GAPDHS: variants seen among roughly 807,000 people sequenced by gnomAD.
The protein encoded by GAPDHS is glyceraldehyde-3-phosphate dehydrogenase, testis-specific.
Under a neutral mutation model 48.7 loss-of-function variants are expected in GAPDHS, and 42 were observed. The ratio of observed to expected loss-of-function variants is 0.86; its 90% CI spans 0.67 to 1.12. The LOEUF is 1.12. Ranked by LOEUF, GAPDHS falls within the 50% of genes most tolerant of loss-of-function variation. The pLI, the probability that GAPDHS is intolerant of heterozygous loss-of-function variation, is 0.00. For synonymous variants in GAPDHS, 166 were observed against 219.1 expected (o/e 0.76, Z 2.14); for missense variants, 512 against 557.7 (o/e 0.92, Z 0.82).
At chr19:35,543,580 G>A in intron 8 of GAPDHS, 85 bp from the exon 9 acceptor site, 3 of 1,574,640 alleles carry the variant, frequency 1.9e-6, no homozygotes, top group African/African-American at 2.7e-5. Flanking sequence ...AGGAAAGCAG[G>A]GGCCTGGCCC....
rs145889612 is a variant in GAPDHS at position 35,543,818 on chromosome 19, C to T, written c.1047C>T (p.Thr349=). Residue 349 remains threonine, a synonymous_variant, in exon 9 of 11, where the codon ACC becomes ACT. Coordinates refer to ENST00000222286, the MANE Select transcript of GAPDHS (RefSeq NM_014364.5). ...CCATGGCTGGCATCCTTGCCTACAC[C>T]GAGGATGAGGTAGGGGCTGAGGAGA... The part of the protein sequence containing the change: ...KGPMAGILAY[T]EDEVVSTDFL... 5.0e-5 allele frequency: 81 copies of T among 1,611,320 alleles called. No homozygotes were observed. Among genetic ancestry groups the T allele is most frequent in the African/African-American group, 4.1e-4 (31 of 74,978 alleles).
intron 6 of GAPDHS, 39 bp downstream of exon 6, chr19:35,542,647 A>T: frequency 7.3e-7 from 1 of 1,361,354 alleles, no homozygotes; most frequent in Non-Finnish European, 1.1e-6. Flanking sequence ...TGTGGAAGGG[A>T]GGGTAGACTC....
At position 35,542,503 on chromosome 19, in the gene GAPDHS, C is replaced by A; in HGVS notation, c.554C>A (p.Ala185Glu). ...CTTCCTCCCCAGGACCACATCTCTG[C>A]AGGTGCTCAACGTGTGGTCATCTCC... ...SIQAASDHIS[A>E]GAQRVVISAP... is the part of the protein sequence containing the mutation. The change falls in exon 6 of 11, where the codon GCA becomes GAA. Residue 185 changes from alanine to glutamate, a missense_variant. Ala to Glu is a moderately radical substitution (Grantham distance 107, BLOSUM62 -1). Transcript: ENST00000222286. The A allele has an allele frequency of 6.2e-7, 1 of 1,613,322 alleles. No homozygotes were observed. The highest frequency in any genetic ancestry group is 8.5e-7 in the Non-Finnish European group (1 of 1,179,286).
chr19:35,542,389 C>A lies in GAPDHS; in HGVS notation c.520C>A (p.Leu174Ile). Reference protein sequence around the residue: ...PYVVESTGVYLSIQAASDHIS... With the variant: ...PYVVESTGVYISIQAASDHIS... The stretch of plus-strand genomic sequence containing the variant: ...CGTGGTGGAGTCCACAGGCGTGTAC[C>A]TCTCCATACAGGCAGCTTCGGTAAG... The change falls in exon 5 of 11, where the codon CTC (leucine) becomes ATC (isoleucine). Residue 174 changes from leucine to isoleucine, a missense_variant. Physicochemically the swap from Leu to Ile is conservative, Grantham distance 5 (BLOSUM62 2). Transcript: ENST00000222286. 2.5e-6 allele frequency: 4 copies of A among 1,605,976 alleles called. No homozygotes were observed. Among genetic ancestry groups the A allele is most frequent in the Non-Finnish European group, 3.4e-6 (4 of 1,172,842 alleles).
At chr19:35,536,109 G>A (rs1240183365) in intron 1 of GAPDHS, among the ~76,000 whole-genome samples, 1 of 152,028 alleles carries the variant, frequency 6.6e-6, no homozygotes, top group Admixed American at 6.5e-5. Context: ...ACAAATTCGG[G>A]GAACAATCTA....
chr19:35,534,623 C>T (rs1319995231), intron 1 of GAPDHS, among the ~76,000 whole-genome samples: 3 of 152,078 alleles, frequency 2.0e-5, no homozygotes, highest in Admixed American at 6.5e-5. Flanking sequence ...GAGTTTTCTT[C>T]GGAAGGGTCA....
chr19:35,542,202 C>T (rs191013074), intron 4 of GAPDHS, 117 bp from the exon 5 acceptor site: 8,852 of 695,320 alleles, frequency 0.013, 109 homozygotes, highest in Middle Eastern at 0.018. Flanking sequence ...GGGTAGGGGA[C>T]GCAGGTGGTT....
Position 35,543,731 on chromosome 19 carries a change from C to A in GAPDHS, c.960C>A (p.Arg320=). The A allele has an allele frequency of 6.2e-7, 1 of 1,614,070 alleles. No homozygotes were observed. Residue 320 remains arginine, a synonymous_variant, in exon 9 of 11, where the codon CGC becomes CGA. Transcript: ENST00000222286. ...TGTCTGTCGTGGACCTGACCTGCCG[C>A]CTCGCCCAGCCTGCCCCCTACTCAG... The part of the protein sequence containing the change: ...PDVSVVDLTC[R]LAQPAPYSAI...
intron 2 of GAPDHS, among the ~76,000 whole-genome samples, chr19:35,538,054 C>T (rs1240739125): frequency 6.6e-6 from 1 of 150,474 alleles, no homozygotes; most frequent in Non-Finnish European, 1.5e-5. Context: ...CCAGCCTGGG[C>T]GAAAGAGCTG....
rs1208841588 is a variant in GAPDHS at position 35,533,582 on chromosome 19, C to G, written c.55C>G (p.Gln19Glu). The change falls in exon 1 of 11, where the codon CAG (glutamine) becomes GAG (glutamate). Residue 19 changes from glutamine (Q) to glutamate (E), a missense_variant. By Grantham distance (29) the Gln-to-Glu change is conservative. Transcript: ENST00000222286. ...TNVTVVQLLR[Q>E]PCPVTRAPPP... ...TGTCACCGTTGTCCAGTTGCTGCGACAGCCGTGCCCGGGTGAGGGAGGCAG... is the reference window on the plus strand; with the variant it reads ...TGTCACCGTTGTCCAGTTGCTGCGAGAGCCGTGCCCGGGTGAGGGAGGCAG... 1 of 1,611,944 alleles carries G rather than the reference C, an allele frequency of 6.2e-7. No individual in the cohort carries two copies. The highest frequency in any genetic ancestry group is 1.3e-5 in the African/African-American group (1 of 74,954).
At chr19:35,540,852 C>T (rs1204922374) in intron 4 of GAPDHS, 1 of 152,036 alleles carries the variant, frequency 6.6e-6, no homozygotes, top group Non-Finnish European at 1.5e-5. Flanking sequence ...AACACGAGGC[C>T]AGGTGCAGAG....
At position 35,538,394 on chromosome 19, in the gene GAPDHS, G is replaced by A. The variant is rs759025309; in HGVS notation, c.333G>A (p.Pro111=). ...CTGTGAATGATCCATTCATTGACCC[G>A]GAATACATGGTCAGTAGCTGGCAGA... is the stretch of plus-strand genomic sequence containing the variant. ...VVAVNDPFID[P]EYMVYMFKYD... is the part of the protein sequence containing the mutation. The change falls in exon 3 of 11, where the codon CCG becomes CCA. Residue 111 remains proline, a synonymous_variant. Coordinates refer to ENST00000222286, the MANE Select transcript of GAPDHS (RefSeq NM_014364.5). 129 of 1,595,052 alleles carry A rather than the reference G, an allele frequency of 8.1e-5. No individual in the cohort carries two copies. The highest frequency in any genetic ancestry group is 1.7e-4 in the Middle Eastern group (1 of 6,052).
At chr19:35,538,472 T>C (rs2071480213) in intron 3 of GAPDHS, 69 bp downstream of exon 3, 7 of 1,283,852 alleles carry the variant, frequency 5.5e-6, no homozygotes, top group Non-Finnish European at 4.5e-6. Flanking sequence ...AGGGAAGCTG[T>C]ATGGAAGGCT....
chr19:35,540,173 A>G (rs897555610), intron 4 of GAPDHS, among the ~76,000 whole-genome samples: 9 of 152,240 alleles, frequency 5.9e-5, no homozygotes, highest in African/African-American at 2.2e-4. Context: ...TGGAGTGAAC[A>G]TGTGTTTGTG....
intron 1 of GAPDHS, among the ~76,000 whole-genome samples, chr19:35,534,779 T>TA (rs1243570118): frequency 2.0e-5 from 3 of 152,000 alleles, no homozygotes; most frequent in Non-Finnish European, 4.4e-5. Flanking sequence ...TGGAAACACC[T>TA]ATAGTCCAGC....
chr19:35,543,368 A>C lies in GAPDHS; in HGVS notation c.770A>C (p.Gln257Pro). Residue 257 changes from glutamine (Q) to proline (P), a missense_variant, in exon 8 of 11, where the codon CAG becomes CCG. Coordinates refer to ENST00000222286, the MANE Select transcript of GAPDHS (RefSeq NM_014364.5). ...MTTVHSYTATQKTVDGPSRKA... is the reference protein window; with the variant it reads ...MTTVHSYTATPKTVDGPSRKA... Reference sequence around the variant, plus strand: ...ACAGTCCATTCCTACACGGCCACCCAGAAGACAGTGGACGGGCCATCAAGG... The same window carrying C: ...ACAGTCCATTCCTACACGGCCACCCCGAAGACAGTGGACGGGCCATCAAGG... The C allele has an allele frequency of 1.1e-5, 17 of 1,613,134 alleles. No individual in the cohort carries two copies. The highest frequency in any genetic ancestry group is 1.4e-5 in the Non-Finnish European group (17 of 1,179,682).
At chr19:35,535,312 G>A (rs1219358305) in intron 1 of GAPDHS, among the ~76,000 whole-genome samples, 1 of 152,188 alleles carries the variant, frequency 6.6e-6, no homozygotes, top group South Asian at 2.1e-4. Flanking sequence ...GCTTCCATGG[G>A]TTTCACAGAG....
At chr19:35,534,556 C>T (rs1399346562) in intron 1 of GAPDHS, among the ~76,000 whole-genome samples, 3 of 152,094 alleles carry the variant, frequency 2.0e-5, no homozygotes, top group Non-Finnish European at 4.4e-5. Flanking sequence ...GACCCCACCC[C>T]TACAGTGGAG....
Position 35,536,981 on chromosome 19 carries a change from G to A in GAPDHS, c.236G>A (p.Gly79Asp). 1 of 1,613,316 alleles carries A rather than the reference G, an allele frequency of 6.2e-7. No individual in the cohort carries two copies. Among genetic ancestry groups the A allele is most frequent in the Non-Finnish European group, 8.5e-7 (1 of 1,179,554 alleles). ...TCTGTGGCCCGGGAGCTGACTGTGG[G>A]CATCAATGGGTGAGTCTACTCCAGC... ...MVSVARELTVGINGFGRIGRL... is the reference protein window; with the variant it reads ...MVSVARELTVDINGFGRIGRL... Residue 79 changes from glycine (G) to aspartate (D), a missense_variant, in exon 2 of 11, where the codon GGC becomes GAC. Transcript: ENST00000222286.
Sources: gnomAD v4.1 joint callset for allele counts (sites outside exome capture counted in the v4.1 genomes callset) on GRCh38, gnomAD v4.1.1 for gene constraint, MANE v1.5 for transcripts, NCBI Gene and HGNC (gene_info 2026-07-23, HGNC 2026-07-21) for gene names.